Variants in ADAMTSL1 observed in about 807,000 individuals in gnomAD.
The protein encoded by ADAMTSL1 is ADAMTS-like protein 1.
In ADAMTSL1, 126 loss-of-function variants were observed where a neutral mutation model predicts 201.8. That is an observed-to-expected ratio of 0.62 (90% CI 0.54 to 0.72). The LOEUF is 0.72. Among genes scored for constraint, ADAMTSL1 ranks in the 30% least tolerant of loss-of-function variants. The probability of loss-of-function intolerance (pLI) is 0.00; values close to 1 mark genes in which losing one functional copy is unlikely to be tolerated. For synonymous variants in ADAMTSL1, 1,121 were observed against 903.4 expected, an observed-to-expected ratio of 1.24 and a Z score of -4.32; for missense variants, 2,679 against 2,277.8, an observed-to-expected ratio of 1.18 and a Z score of -3.59.
intron 1 of ADAMTSL1, among the ~76,000 whole-genome samples, chr9:18,028,999 A>G (rs1820817316): frequency 6.6e-6 from 1 of 152,102 alleles, no homozygotes; most frequent in Non-Finnish European, 1.5e-5. Context: ...ATGGATTCCT[A>G]GGTATTTTAT....
At chr9:18,773,743 G>A (rs958019762) in intron 17 of ADAMTSL1, among the ~76,000 whole-genome samples, 4 of 152,192 alleles carry the variant, frequency 2.6e-5, no homozygotes, top group African/African-American at 7.2e-5. Context: ...CTTGACCAAA[G>A]TCATAACCCA....
Position 18,025,394 on chromosome 9 carries a change from C to A in ADAMTSL1, c.87+118472C>A, listed in dbSNP as rs546188546. ...AGGATTTTTATAGTTTCAGCTCTTA[C>A]ATTTAAGTCTTTAATTCATTTTGAG... On this transcript the variant is annotated intron_variant, in intron 1 of 29. Transcript: ENST00000680146. Among the ~76,000 whole-genome samples, 4 of 152,080 alleles carry A rather than the reference C, an allele frequency of 2.6e-5. No homozygotes were observed. In the East Asian group the frequency reaches 7.7e-4, roughly 29 times the overall value.
Position 18,508,907 on chromosome 9 carries a change from G to A in ADAMTSL1, c.191+3951G>A, listed in dbSNP as rs1473107518. ...CTCTTATAATTTAGAAATAGAGGCCGGGCGCGGTGGCTCACGCCTGTAATC... is the reference window on the plus strand; with the variant it reads ...CTCTTATAATTTAGAAATAGAGGCCAGGCGCGGTGGCTCACGCCTGTAATC... On this transcript the variant is annotated intron_variant, in intron 2 of 28. Coordinates refer to ENST00000380548, the MANE Select transcript of ADAMTSL1 (RefSeq NM_001040272.6). Among the ~76,000 whole-genome samples the A allele has an allele frequency of 8.4e-5, 8 of 95,568 alleles. 2 individuals are homozygous for A. The highest frequency in any genetic ancestry group is 4.1e-4 in the African/African-American group (8 of 19,348). 62.7% of individuals were successfully genotyped at this position (95,568 alleles called of 152,430 possible).
intron 21 of ADAMTSL1, among the ~76,000 whole-genome samples, chr9:18,821,485 CT>C (rs1563829674): frequency 6.6e-6 from 1 of 152,172 alleles, no homozygotes. Flanking sequence ...TACATTAAGA[CT>C]TTTCACAATC....
intron 2 of ADAMTSL1, among the ~76,000 whole-genome samples, chr9:18,334,259 G>A (rs1226060153): frequency 6.6e-6 from 1 of 152,100 alleles, no homozygotes; most frequent in Non-Finnish European, 1.5e-5. Context: ...AATACAAATT[G>A]GAATTGTGAA....
intron 8 of ADAMTSL1, among the ~76,000 whole-genome samples, chr9:18,659,567 C>T (rs1229549102): frequency 6.6e-6 from 1 of 152,136 alleles, no homozygotes; most frequent in Non-Finnish European, 1.5e-5. Flanking sequence ...GAGTTCGAGA[C>T]CAGTCTGGCC....
At chr9:18,619,810 G>C (rs991701693) in intron 4 of ADAMTSL1, among the ~76,000 whole-genome samples, 2 of 152,094 alleles carry the variant, frequency 1.3e-5, no homozygotes, top group Non-Finnish European at 2.9e-5. Context: ...GTTAGATTTG[G>C]ACGCCTGAGA....
chr9:18,753,368 T>A lies in ADAMTSL1; in HGVS notation c.2077T>A (p.Cys693Ser). 1.7e-5 allele frequency: 28 copies of A among 1,612,436 alleles called. No homozygotes were observed. The highest frequency in any genetic ancestry group is 2.4e-5 in the Non-Finnish European group (28 of 1,179,300). ...GVGLQTRDVF[C>S]SHLLSREMNE... Reference sequence around the variant, plus strand: ...CGGCCTACAGACCAGAGACGTCTTCTGCAGCCACCTGCTTTCCAGAGAGAT... The same window carrying A: ...CGGCCTACAGACCAGAGACGTCTTCAGCAGCCACCTGCTTTCCAGAGAGAT... The change falls in exon 16 of 29, where the codon TGC becomes AGC. Residue 693 changes from cysteine to serine, a missense_variant. Coordinates refer to ENST00000380548, the MANE Select transcript of ADAMTSL1 (RefSeq NM_001040272.6).
chr9:18,426,340 C>T (rs1401120278), intron 2 of ADAMTSL1, among the ~76,000 whole-genome samples: 1 of 152,168 alleles, frequency 6.6e-6, no homozygotes, highest in African/African-American at 2.4e-5. Flanking sequence ...GTTACTCTCC[C>T]TCCCTAAAGG....
intron 1 of ADAMTSL1, among the ~76,000 whole-genome samples, chr9:17,942,559 T>C (rs931745272): frequency 6.6e-6 from 1 of 152,176 alleles, no homozygotes; most frequent in Non-Finnish European, 1.5e-5. Context: ...GATGCTCACC[T>C]AGAAGCCAGT....
At chr9:18,567,162 C>G (rs188952182) in intron 3 of ADAMTSL1, among the ~76,000 whole-genome samples, 1 of 152,254 alleles carries the variant, frequency 6.6e-6, no homozygotes, top group African/African-American at 2.4e-5. Flanking sequence ...TTGAAAACCA[C>G]TGCTTTAAAG....
intron 3 of ADAMTSL1, among the ~76,000 whole-genome samples, chr9:18,536,456 T>C (rs1819780676): frequency 1.3e-5 from 2 of 152,056 alleles, no homozygotes; most frequent in Non-Finnish European, 2.9e-5. Flanking sequence ...TTTTTTTTTT[T>C]TTCCTGAAAA....
At chr9:18,054,186 G>T (rs998159489) in intron 1 of ADAMTSL1, among the ~76,000 whole-genome samples, 3 of 152,120 alleles carry the variant, frequency 2.0e-5, no homozygotes, top group Non-Finnish European at 4.4e-5. Flanking sequence ...GCATACATTT[G>T]TACGTGTATA....
intron 2 of ADAMTSL1, among the ~76,000 whole-genome samples, chr9:18,389,803 GA>G (rs1837968417): frequency 6.6e-6 from 1 of 152,078 alleles, no homozygotes; most frequent in Admixed American, 6.5e-5. Flanking sequence ...AAAAACAATT[GA>G]AATTACAATC....
At chr9:17,909,203 T>C (rs1415481131) in intron 1 of ADAMTSL1, among the ~76,000 whole-genome samples, 1 of 147,646 alleles carries the variant, frequency 6.8e-6, no homozygotes, top group East Asian at 2.0e-4. Context: ...TTGAGTTCAT[T>C]GTAGATTCTG....
At chr9:18,815,895 A>G (rs554830801) in intron 20 of ADAMTSL1, among the ~76,000 whole-genome samples, 9 of 152,242 alleles carry the variant, frequency 5.9e-5, no homozygotes, top group Non-Finnish European at 1.2e-4. Context: ...GTACATATTT[A>G]TGGGGAACAG....
At chr9:18,420,954 C>G (rs1048696573) in intron 2 of ADAMTSL1, among the ~76,000 whole-genome samples, 1 of 152,082 alleles carries the variant, frequency 6.6e-6, no homozygotes, top group Non-Finnish European at 1.5e-5. Context: ...CAATGTCTGC[C>G]TAGATCATAG....
intron 2 of ADAMTSL1, among the ~76,000 whole-genome samples, chr9:18,214,588 C>T (rs1365325746): frequency 6.6e-6 from 1 of 152,076 alleles, no homozygotes; most frequent in Non-Finnish European, 1.5e-5. Context: ...AACAACAGTT[C>T]CACAAAGAAA....
At chr9:18,034,810 T>C (rs1034452622) in intron 1 of ADAMTSL1, among the ~76,000 whole-genome samples, 9 of 152,214 alleles carry the variant, frequency 5.9e-5, no homozygotes, top group Non-Finnish European at 1.5e-5. Context: ...TGGAACATCC[T>C]AAAAAACTTT....
Sources: allele counts gnomAD v4.1 joint callset (sites outside exome capture counted in the v4.1 genomes callset), GRCh38; gene constraint gnomAD v4.1.1; transcripts MANE v1.5; gene names NCBI Gene and HGNC (gene_info 2026-07-23, HGNC 2026-07-21).